Variants in CSMD1 observed in about 807,000 individuals in gnomAD.
CSMD1 encodes CUB and sushi domain-containing protein 1.
CSMD1 carries 213 observed loss-of-function variants against 417.5 expected under a neutral mutation model. The ratio of observed to expected loss-of-function variants is 0.51; its 90% CI spans 0.46 to 0.57. CSMD1 has a LOEUF of 0.57. Among genes scored for constraint, CSMD1 ranks in the 20% least tolerant of loss-of-function variants. CSMD1 has a pLI of 0.00. For missense variants in CSMD1, 6,923 were observed against 4,529.7 expected, an observed-to-expected ratio of 1.53 and a Z score of -15.17; for synonymous variants, 2,862 against 1,736.8, an observed-to-expected ratio of 1.65 and a Z score of -16.11.
chr8:3,263,757 TA>T (rs930821792), intron 26 of CSMD1, among the ~76,000 whole-genome samples: 3 of 152,218 alleles, frequency 2.0e-5, no homozygotes, highest in African/African-American at 7.2e-5. Flanking sequence ...TAAAGTCAAC[TA>T]ACTTTCTTTA....
At position 3,638,052 on chromosome 8, in the gene CSMD1, T is replaced by C. The variant is rs889536874; in HGVS notation, c.1010-21255A>G. Among the ~76,000 whole-genome samples the C allele has an allele frequency of 2.0e-5, 3 of 152,114 alleles. No homozygotes were observed. The South Asian group carries it at 6.2e-4, about 32-fold the overall frequency. Reference sequence around the variant, plus strand: ...AATTACGCAGTCTCAGGTATGTCCTTATAGGAGCATGGCTTTTCTAACCAC... The same window carrying C: ...AATTACGCAGTCTCAGGTATGTCCTCATAGGAGCATGGCTTTTCTAACCAC... On this transcript the variant is annotated intron_variant, in intron 7 of 69. Coordinates refer to ENST00000635120, the MANE Select transcript of CSMD1 (RefSeq NM_033225.6).
chr8:3,019,935 A>G (rs996927758), intron 51 of CSMD1, among the ~76,000 whole-genome samples: 6 of 152,248 alleles, frequency 3.9e-5, no homozygotes, highest in Non-Finnish European at 8.8e-5. Flanking sequence ...AAAGCTATTC[A>G]AAGCAAGCAT....
At chr8:3,868,690 A>G (rs1224899577) in intron 5 of CSMD1, among the ~76,000 whole-genome samples, 1 of 152,172 alleles carries the variant, frequency 6.6e-6, no homozygotes, top group Non-Finnish European at 1.5e-5. Flanking sequence ...TCATGAATGC[A>G]GCGTTATCCT....
At chr8:3,947,921 G>A (rs1451951353) in intron 5 of CSMD1, among the ~76,000 whole-genome samples, 1 of 152,058 alleles carries the variant, frequency 6.6e-6, no homozygotes, top group Non-Finnish European at 1.5e-5. Context: ...ATCTCCAATG[G>A]TAGGCTGGGG....
chr8:4,915,193 T>C (rs570347631), intron 1 of CSMD1, among the ~76,000 whole-genome samples: 2 of 152,044 alleles, frequency 1.3e-5, no homozygotes, highest in Admixed American at 6.5e-5. Flanking sequence ...TATATACACA[T>C]ACATATACCT....
At chr8:4,466,026 G>C (rs1168647581) in intron 2 of CSMD1, among the ~76,000 whole-genome samples, 1 of 152,190 alleles carries the variant, frequency 6.6e-6, no homozygotes, top group East Asian at 1.9e-4. Context: ...CATTTGGATT[G>C]ACAAATTACT....
rs1198296743 is a variant in CSMD1 at position 2,974,559 on chromosome 8, C to T, written c.8632G>A (p.Gly2878Ser). The T allele has an allele frequency of 1.9e-6, 3 of 1,613,126 alleles. No homozygotes were observed. The highest frequency in any genetic ancestry group is 2.5e-6 in the Non-Finnish European group (3 of 1,179,530). The change falls in exon 56 of 70, where the codon GGC becomes AGC. Residue 2878 changes from glycine to serine, a missense_variant. Coordinates refer to ENST00000635120, the MANE Select transcript of CSMD1 (RefSeq NM_033225.6). Reference sequence around the variant, plus strand: ...CTGCAGGAGTAGTGCACGACGGCGCCATAGGTAAACAGCTCTCCAGTGAGG... The same window carrying T: ...CTGCAGGAGTAGTGCACGACGGCGCTATAGGTAAACAGCTCTCCAGTGAGG... ...AVLTGELFTY[G>S]AVVHYSCRGS... is the part of the protein sequence containing the mutation.
chr8:4,432,470 A>G (rs1459392049), intron 2 of CSMD1, among the ~76,000 whole-genome samples: 5 of 152,198 alleles, frequency 3.3e-5, no homozygotes, highest in Admixed American at 3.3e-4. Context: ...AAACTCAAGT[A>G]TCAATTACCC....
At chr8:3,317,468 C>T (rs931149264) in intron 23 of CSMD1, among the ~76,000 whole-genome samples, 7 of 152,098 alleles carry the variant, frequency 4.6e-5, no homozygotes, top group African/African-American at 1.7e-4. Flanking sequence ...TGTTCTGGTG[C>T]CTGTTTTCTA....
At chr8:4,276,691 CTT>C (rs1467621171) in intron 3 of CSMD1, among the ~76,000 whole-genome samples, 1 of 152,130 alleles carries the variant, frequency 6.6e-6, no homozygotes, top group Non-Finnish European at 1.5e-5. Context: ...GAAACGAAGT[CTT>C]TAGTTCCAGT....
At chr8:4,785,272 G>C (rs187703742) in intron 1 of CSMD1, among the ~76,000 whole-genome samples, 3 of 152,160 alleles carry the variant, frequency 2.0e-5, no homozygotes. Flanking sequence ...TGGCAAAGGT[G>C]ATTTTCATAA....
chr8:4,159,634 G>A (rs976548109), intron 3 of CSMD1, among the ~76,000 whole-genome samples: 1 of 152,152 alleles, frequency 6.6e-6, no homozygotes, highest in Non-Finnish European at 1.5e-5. Flanking sequence ...TGTCGCCCAG[G>A]CTGGAGCACA....
At chr8:4,453,817 T>TC (rs1232358719) in intron 2 of CSMD1, among the ~76,000 whole-genome samples, 3 of 109,240 alleles carry the variant, frequency 2.7e-5, no homozygotes, top group Admixed American at 2.6e-4. Flanking sequence ...TTCGTTTCTT[T>TC]TTTTTTTTTT....
chr8:4,456,119 A>T (rs889630550), intron 2 of CSMD1, among the ~76,000 whole-genome samples: 1 of 150,416 alleles, frequency 6.6e-6, no homozygotes, highest in Admixed American at 6.6e-5. Flanking sequence ...AATAAGAAGG[A>T]CATTATGCCA....
intron 4 of CSMD1, among the ~76,000 whole-genome samples, chr8:4,021,752 C>G (rs181897616): frequency 6.6e-6 from 1 of 152,092 alleles, no homozygotes; most frequent in Non-Finnish European, 1.5e-5. Flanking sequence ...CGTCCCCTCC[C>G]CAATAATCTT....
chr8:3,094,913 T>TA (rs1815194571), intron 47 of CSMD1, among the ~76,000 whole-genome samples: 1 of 152,060 alleles, frequency 6.6e-6, no homozygotes, highest in Non-Finnish European at 1.5e-5. Flanking sequence ...AACTCTGACC[T>TA]TTCACTTTGT....
At chr8:4,462,277 A>C (rs936955624) in intron 2 of CSMD1, among the ~76,000 whole-genome samples, 3 of 152,348 alleles carry the variant, frequency 2.0e-5, no homozygotes, top group Non-Finnish European at 2.9e-5. Context: ...CAAAATAATT[A>C]GGAATAAATT....
intron 2 of CSMD1, among the ~76,000 whole-genome samples, chr8:4,449,016 G>T (rs559229971): frequency 1.3e-5 from 2 of 152,228 alleles, no homozygotes; most frequent in Admixed American, 1.3e-4. Flanking sequence ...ACTTGTGTGC[G>T]TTCAGCCTAA....
intron 49 of CSMD1, among the ~76,000 whole-genome samples, chr8:3,065,282 C>G (rs148555250): frequency 4.3e-5 from 6 of 140,352 alleles, no homozygotes; most frequent in African/African-American, 8.3e-5. Context: ...GAATATGATA[C>G]ATAGATAGAT....
Sources: gnomAD v4.1 joint callset for allele counts (sites outside exome capture counted in the v4.1 genomes callset) on GRCh38, gnomAD v4.1.1 for gene constraint, MANE v1.5 for transcripts, NCBI Gene and HGNC (gene_info 2026-07-23, HGNC 2026-07-21) for gene names.